Variants in NBPF19 observed in about 807,000 individuals in gnomAD.
NBPF19 encodes the protein NBPF member 19, also known as NBPF family member NBPF19.
Under a neutral mutation model 45.9 loss-of-function variants are expected in NBPF19, and 30 were observed. The ratio of observed to expected loss-of-function variants is 0.65; its 90% confidence interval spans 0.49 to 0.89. The LOEUF (loss-of-function observed/expected upper bound fraction) is 0.89, where lower values mean the gene tolerates loss of function less well. Among genes scored for constraint, NBPF19 ranks in the 40% least tolerant of loss-of-function variants. The pLI, the probability that NBPF19 is intolerant of heterozygous loss-of-function variation, is 0.00. For missense variants in NBPF19, 495 were observed against 471.8 expected (o/e 1.05, Z -0.46); for synonymous variants, 183 against 181.2 (o/e 1.01, Z -0.08).
intron 13 of NBPF19, 126 bp from the exon 14 acceptor site, chr1:149,491,013 A>T (rs1203277413): frequency 1.6e-5 from 8 of 500,840 alleles, no homozygotes; most frequent in Non-Finnish European, 2.4e-5. Flanking sequence ...ATAATTTGTT[A>T]CCTCATTAAT....
intron 7 of NBPF19, 25 bp from the exon 8 acceptor site, chr1:149,486,105 A>G (rs2085488461): frequency 8.2e-6 from 3 of 364,124 alleles, no homozygotes; most frequent in Admixed American, 1.2e-4. Context: ...ATCTTCTATC[A>G]TCCCTGTCCT....
At chr1:149,479,767 C>T (rs1186861657) in intron 4 of NBPF19, among the ~76,000 whole-genome samples, 50 of 150,578 alleles carry the variant, frequency 3.3e-4, no homozygotes, top group African/African-American at 1.2e-3. Flanking sequence ...TTTGTCCTCT[C>T]CTAAGAGAAA....
In NBPF19 at chr1:149,487,230, C is replaced by A. The variant is rs1397981385; in HGVS notation, c.989-102C>A. The A allele has an allele frequency of 9.0e-5, 76 of 840,030 alleles. 2 individuals carry two copies. Among genetic ancestry groups the A allele is most frequent in the South Asian group, 8.0e-4 (61 of 75,916 alleles). 52.0% of individuals were successfully genotyped at this position (840,030 alleles called of 1,614,324 possible). ...TTTCTCTCAAAGTCTCCTGTTCTCA[C>A]ACTGACAAGACTGATGTCCCTGTGT... On this transcript the variant is annotated intron_variant, in intron 8 of 93. Coordinates refer to ENST00000651566, the MANE Select transcript of NBPF19 (RefSeq NM_001351365.2).
intron 9 of NBPF19, among the ~76,000 whole-genome samples, 162 bp from the exon 10 acceptor site, chr1:149,487,851 G>T (rs1450670588): frequency 1.4e-5 from 2 of 145,228 alleles, no homozygotes; most frequent in Admixed American, 7.0e-5. Context: ...TTTCTACCTG[G>T]CCCTAGTCTA....
At position 149,555,013 on chromosome 1, in the gene NBPF19, G is replaced by C; in HGVS notation, c.*275G>C. The C allele has an allele frequency of 1.8e-6, 1 of 557,444 alleles. No individual in the cohort carries two copies. The highest frequency in any genetic ancestry group is 3.0e-6 in the Non-Finnish European group (1 of 330,602). The allele number at this position is 557,444 out of a possible 1,614,324, so 34.5% of individuals were successfully genotyped here. A position where few individuals can be genotyped will look rare whatever the true frequency, so the allele number is the denominator to read the frequency against. On this transcript the variant is annotated 3_prime_UTR_variant, in exon 94 of 94. Transcript: ENST00000651566. ...AATTTGAACCACGTATCTTTGGGTA[G>C]CTACAAAATTCCTCAGGGATTTCAT...
In NBPF19 at chr1:149,486,551, G is replaced by T. The variant is rs1374143000; in HGVS notation, c.988+258G>T. 2.6e-4 allele frequency among the ~76,000 whole-genome samples: 39 copies of T among 151,544 alleles called. 3 individuals are homozygous for T. Among genetic ancestry groups the T allele is most frequent in the African/African-American group, 9.4e-4 (39 of 41,326 alleles). On this transcript the variant is annotated intron_variant, in intron 8 of 93. Transcript: ENST00000651566. ...CTGACTGTCACGACATTGAACTCAA[G>T]GCAGGTGTGGCAAACTCACACCAAA...
rs1487995983 is a variant in NBPF19 at position 149,478,047 on chromosome 1, G to C, written c.278G>C (p.Arg93Thr). The change falls in exon 3 of 94, where the codon AGG (arginine) becomes ACG (threonine). Residue 93 changes from arginine to threonine, a missense_variant and splice_region_variant. Physicochemically the swap from Arg to Thr is moderately conservative, Grantham distance 71. This residue lies in a region of NBPF19 where 69 missense variants were observed against 87.8 expected (regional missense o/e 0.79). Transcript: ENST00000651566. ...AEQLKQAEEL[R>T]QYKVLFHSQE... Reference sequence around the variant, plus strand: ...CAGCTGAAGCAAGCTGAGGAGCTCAGGTGAGGGGACCCCGTGGGGGGAGGG... The same window carrying C: ...CAGCTGAAGCAAGCTGAGGAGCTCACGTGAGGGGACCCCGTGGGGGGAGGG... 5.1e-6 allele frequency: 8 copies of C among 1,564,198 alleles called. No homozygotes were observed. In the East Asian group the frequency reaches 1.8e-4, roughly 35 times the overall value.
At chr1:149,487,787 G>C (rs1398580192) in intron 9 of NBPF19, among the ~76,000 whole-genome samples, 1 of 145,490 alleles carries the variant, frequency 6.9e-6, no homozygotes, top group Non-Finnish European at 1.5e-5. Flanking sequence ...GTGTGTGTGT[G>C]TGTGTGTGTG....
rs2084938794 is a variant in NBPF19, at chr1:149,477,883, G to GCTCCT, written c.176-62_176-61insCTCCT. 3.5e-6 allele frequency: 3 copies of GCTCCT among 858,372 alleles called. 1 individual carries two copies. The highest frequency in any genetic ancestry group is 5.9e-6 in the Non-Finnish European group (3 of 511,044). The allele number at this position is 858,372 out of a possible 1,614,324, so 53.2% of individuals were successfully genotyped here. A position where few individuals can be genotyped will look rare whatever the true frequency, so the allele number is the denominator to read the frequency against. On this transcript the variant is annotated intron_variant, in intron 2 of 93. Coordinates refer to ENST00000651566, the MANE Select transcript of NBPF19 (RefSeq NM_001351365.2). Reference sequence around the variant, plus strand: ...GGATGGACCTGGCTCCTGCCCTGTAGGCAGTGACCACAGCAGCATGTCCAG... The same window carrying GCTCCT: ...GGATGGACCTGGCTCCTGCCCTGTAGCTCCTGCAGTGACCACAGCAGCATGTCCAG...
At chr1:149,528,976 T>TGTA in intron 61 of NBPF19, among the ~76,000 whole-genome samples, 198 bp from the exon 62 acceptor site, 1 of 131,242 alleles carries the variant, frequency 7.6e-6, no homozygotes, top group Non-Finnish European at 1.6e-5. Flanking sequence ...TGTGTGTGTG[T>TGTA]CTATCTGTCT....
intron 7 of NBPF19, among the ~76,000 whole-genome samples, chr1:149,483,714 A>G (rs1348887464): frequency 1.0e-5 from 1 of 99,848 alleles, no homozygotes; most frequent in African/African-American, 3.9e-5. Flanking sequence ...GAGCTCTTGT[A>G]AGGCAGGCCT....
chr1:149,487,293 G>C (rs1382775728), intron 8 of NBPF19, 39 bp from the exon 9 acceptor site: 83 of 1,454,334 alleles, frequency 5.7e-5, no homozygotes, highest in Non-Finnish European at 7.6e-5. Context: ...GTGCAAGGAA[G>C]AACTTAATGT....
chr1:149,479,367 C>A (rs1319437658), intron 4 of NBPF19, among the ~76,000 whole-genome samples: 1 of 149,296 alleles, frequency 6.7e-6, no homozygotes, highest in African/African-American at 2.5e-5. Context: ...AGGAAGGAGG[C>A]TGTGATGGAA....
intron 61 of NBPF19, among the ~76,000 whole-genome samples, chr1:149,528,945 CTG>C (rs1182341067): frequency 6.8e-4 from 74 of 108,838 alleles, no homozygotes; most frequent in Middle Eastern, 5.3e-3. Flanking sequence ...TTCTCTCTCT[CTG>C]TGTGTGTGTG....
intron 3 of NBPF19, 112 bp from the exon 4 acceptor site, chr1:149,478,768 C>T: frequency 3.3e-6 from 4 of 1,219,610 alleles, no homozygotes; most frequent in Non-Finnish European, 4.9e-6. Context: ...ATGTGCTGAC[C>T]TTCTGCTTGG....
intron 61 of NBPF19, among the ~76,000 whole-genome samples, chr1:149,528,881 G>C (rs1479261049): frequency 4.1e-5 from 5 of 122,652 alleles, no homozygotes; most frequent in Non-Finnish European, 8.5e-5. Context: ...CACTAACTCA[G>C]AGTGTCCTGT....
At chr1:149,479,743 G>A (rs1365583958) in intron 4 of NBPF19, among the ~76,000 whole-genome samples, 15 of 150,286 alleles carry the variant, frequency 1.0e-4, no homozygotes, top group Non-Finnish European at 1.9e-4. Context: ...ACGCATAGAG[G>A]ACTGTGGGAC....
In NBPF19 at chr1:149,554,701, A is replaced by G; in HGVS notation, c.11495A>G (p.His3832Arg). ...TTTACTTTGACGGTGACAAGTCTCC[A>G]TCTGGTGTTCCAGATGTTAGTCATA... Reference protein sequence around the residue: ...RFFTLTVTSLHLVFQMLVIFP... With the variant: ...RFFTLTVTSLRLVFQMLVIFP... The change falls in exon 94 of 94, where the codon CAT becomes CGT. Residue 3832 changes from histidine to arginine, a missense_variant. Physicochemically the swap from His to Arg is conservative, Grantham distance 29 (BLOSUM62 0). This residue lies in a region of NBPF19 where 248 missense variants were observed against 95.4 expected (regional missense o/e 2.60). Coordinates refer to ENST00000651566, the MANE Select transcript of NBPF19 (RefSeq NM_001351365.2). The G allele has an allele frequency of 4.4e-6, 7 of 1,608,308 alleles. No individual in the cohort carries two copies. The highest frequency in any genetic ancestry group is 2.2e-5 in the East Asian group (1 of 44,854).
chr1:149,487,778 T>TG (rs2101613666), intron 9 of NBPF19, among the ~76,000 whole-genome samples: 1 of 33,012 alleles, frequency 3.0e-5, no homozygotes, highest in East Asian at 1.2e-3. Context: ...GCTCGCTCTG[T>TG]GTGTGTGTGT....
Sources: gnomAD v4.1 joint callset for allele counts (sites outside exome capture counted in the v4.1 genomes callset) on GRCh38, gnomAD v4.1.1 for gene constraint, gnomAD v4.1.1 regional missense constraint, MANE v1.5 for transcripts, NCBI Gene and HGNC (gene_info 2026-07-23, HGNC 2026-07-21) for gene names.